The following ZMYND8 variants were observed in gnomAD, a reference collection of about 807,000 sequenced individuals.
ZMYND8 encodes MYND-type zinc finger-containing chromatin reader ZMYND8.
ZMYND8 carries 37 observed loss-of-function variants against 140.8 expected under a neutral mutation model. The ratio of observed to expected loss-of-function variants is 0.26; its 90% confidence interval spans 0.20 to 0.35. The LOEUF (loss-of-function observed/expected upper bound fraction) is 0.35. Ranked by LOEUF, ZMYND8 falls within the 10% of genes least tolerant of loss-of-function variation. The pLI is 1.00. For missense variants in ZMYND8, 1,068 were observed against 1,570.0 expected (o/e 0.68, Z 5.40); for synonymous variants, 592 against 597.1 (o/e 0.99, Z 0.12).
At chr20:47,355,931 G>A (rs1320076246) in intron 1 of ZMYND8, among the ~76,000 whole-genome samples, 1 of 151,050 alleles carries the variant, frequency 6.6e-6, no homozygotes, top group East Asian at 1.9e-4. Flanking sequence ...CTGGCTTGCA[G>A]AACACTCTGT....
chr20:47,336,328 T>C (rs2081383299), intron 2 of ZMYND8, among the ~76,000 whole-genome samples: 1 of 152,210 alleles, frequency 6.6e-6, no homozygotes, highest in South Asian at 2.1e-4. Context: ...TGTTCAAGAT[T>C]TTAATATCCT....
intron 11 of ZMYND8, among the ~76,000 whole-genome samples, chr20:47,272,563 A>G (rs541270547): frequency 6.6e-6 from 1 of 152,262 alleles, no homozygotes; most frequent in Non-Finnish European, 1.5e-5. Flanking sequence ...TATAAAGGGG[A>G]AACTACAAAA....
intron 11 of ZMYND8, among the ~76,000 whole-genome samples, chr20:47,272,947 C>A (rs994768035): frequency 6.6e-6 from 1 of 152,216 alleles, no homozygotes; most frequent in African/African-American, 2.4e-5. Flanking sequence ...AATTTCCCAT[C>A]TCCCTCCACT....
rs573650803 is a variant in ZMYND8, at chr20:47,345,622, T to C, written c.85+2234A>G. On this transcript the variant is annotated intron_variant, in intron 2 of 22. Transcript: ENST00000471951. Reference sequence around the variant, plus strand: ...TCCTGGGTTCAAGCAATTCTCCTGCTTCAGCCTCCCAAGTAACTGGGATTA... The same window carrying C: ...TCCTGGGTTCAAGCAATTCTCCTGCCTCAGCCTCCCAAGTAACTGGGATTA... Among the ~76,000 whole-genome samples the C allele has an allele frequency of 3.3e-5, 5 of 151,902 alleles. No individual in the cohort carries two copies. In the East Asian group the frequency reaches 9.7e-4, roughly 29 times the overall value.
At chr20:47,297,908 G>A (rs191417370) in intron 4 of ZMYND8, among the ~76,000 whole-genome samples, 1 of 152,172 alleles carries the variant, frequency 6.6e-6, no homozygotes, top group South Asian at 2.1e-4. Flanking sequence ...CTACACAGGA[G>A]GCATACACAC....
At chr20:47,227,312 G>C (rs1195926577) in intron 17 of ZMYND8, 31 bp from the exon 18 acceptor site, 5 of 1,609,788 alleles carry the variant, frequency 3.1e-6, no homozygotes, top group Non-Finnish European at 4.3e-6. Context: ...GTCTTCAAAA[G>C]CTGTCTCATG....
chr20:47,293,210 GGCAGGC>G (rs2077414889), intron 5 of ZMYND8, among the ~76,000 whole-genome samples: 1 of 77,308 alleles, frequency 1.3e-5, no homozygotes, highest in Admixed American at 1.2e-4. Context: ...CAGGCAGGCA[GGCAGGC>G]AGGGAGGGAG....
chr20:47,276,532 A>G lies in ZMYND8; in HGVS notation c.1262T>C (p.Phe421Ser). 1 of 1,613,638 alleles carries G rather than the reference A, an allele frequency of 6.2e-7. No individual in the cohort carries two copies. The highest frequency in any genetic ancestry group is 1.1e-5 in the South Asian group (1 of 91,044). ...GATCTTGGGGGATGCCGTCATGTCA[A>G]AGTTGAGCTTGACCTTCTCCTGCTT... ...IDKQEKVKLN[F>S]DMTASPKILM... is the part of the protein sequence containing the mutation. Residue 421 changes from phenylalanine (F) to serine (S), a missense_variant, in exon 11 of 23, where the codon TTT becomes TCT. Around this residue, in one of 10 missense-constraint regions of ZMYND8, gnomAD observed 173 missense variants for 223.3 expected, o/e 0.77. Transcript: ENST00000471951.
chr20:47,351,854 G>A lies in ZMYND8; in HGVS notation c.15-3928C>T, dbSNP rs569752797. 33 of 985,346 alleles carry A rather than the reference G, an allele frequency of 3.3e-5. No homozygotes were observed. In the South Asian group the frequency reaches 1.3e-3, roughly 38 times the overall value. 61.0% of individuals were successfully genotyped at this position (985,346 alleles called of 1,614,324 possible). On this transcript the variant is annotated intron_variant, in intron 1 of 22. Coordinates refer to ENST00000471951, the MANE Select transcript of ZMYND8 (RefSeq NM_001281775.3). ...GTAGCTCTTGTTTAAGCAGCCCTGCGAGTTTCAAAGCCACCTTCCTAAATA... is the reference window on the plus strand; with the variant it reads ...GTAGCTCTTGTTTAAGCAGCCCTGCAAGTTTCAAAGCCACCTTCCTAAATA...
In ZMYND8 at chr20:47,236,759, C is replaced by T. The variant is rs566845656; in HGVS notation, c.2666-243G>A. ...TCAAGAGTGCATGCTAGGATGACCC[C>T]AACCCCCTCTTAAAGCGACTGCCTG... On this transcript the variant is annotated intron_variant, in intron 15 of 22. Transcript: ENST00000471951. 9.8e-4 allele frequency among the ~76,000 whole-genome samples: 149 copies of T among 152,324 alleles called. 4 individuals are homozygous for T. The South Asian group carries it at 0.03, about 31-fold the overall frequency.
At chr20:47,287,122 C>G (rs2076972234) in intron 8 of ZMYND8, 107 bp downstream of exon 8, 1 of 1,015,134 alleles carries the variant, frequency 9.9e-7, no homozygotes, top group Non-Finnish European at 1.5e-6. Context: ...TCAACAAATT[C>G]CAAAATCACC....
chr20:47,282,256 T>C (rs2076649931), intron 9 of ZMYND8, 39 bp from the exon 10 acceptor site: 3 of 1,576,044 alleles, frequency 1.9e-6, no homozygotes, highest in South Asian at 2.2e-5. Context: ...TTGTACATAT[T>C]TGACAGCAAG....
chr20:47,304,321 A>C (rs2078311948), intron 3 of ZMYND8, among the ~76,000 whole-genome samples: 1 of 152,250 alleles, frequency 6.6e-6, no homozygotes, highest in Non-Finnish European at 1.5e-5. Flanking sequence ...TTTCCTATAA[A>C]GGCTTCTATA....
intron 2 of ZMYND8, among the ~76,000 whole-genome samples, chr20:47,342,483 G>C (rs1209591590): frequency 7.9e-5 from 12 of 150,948 alleles, no homozygotes; most frequent in African/African-American, 2.7e-4. Context: ...GGAAGTGGAG[G>C]TTGCAGTGAG....
intron 1 of ZMYND8, chr20:47,351,791 G>A: frequency 1.3e-5 from 13 of 985,412 alleles, no homozygotes; most frequent in African/African-American, 1.7e-5. Context: ...CCTCATTCCT[G>A]TGTTGAAGCT....
chr20:47,231,344 A>G (rs1216018480), intron 16 of ZMYND8, among the ~76,000 whole-genome samples: 1 of 152,182 alleles, frequency 6.6e-6, no homozygotes, highest in Non-Finnish European at 1.5e-5. Context: ...AAGGCGGGAC[A>G]AAGAGCAGCC....
At chr20:47,255,615 CCATATACATATACTCAGTATATATAT>C (rs1441671733) in intron 12 of ZMYND8, among the ~76,000 whole-genome samples, 28 of 123,042 alleles carry the variant, frequency 2.3e-4, no homozygotes, top group African/African-American at 8.3e-4. Context: ...TATATACACA[CCATATACATATACTCAGTATATATAT>C]ACCATATACA....
chr20:47,245,891 G>T, intron 14 of ZMYND8, 117 bp downstream of exon 14: 1 of 1,426,748 alleles, frequency 7.0e-7, no homozygotes, highest in Non-Finnish European at 9.4e-7. Flanking sequence ...CAGTGTGTTA[G>T]AGGGTCACAT....
chr20:47,299,018 T>A, intron 3 of ZMYND8, 71 bp from the exon 4 acceptor site: 1 of 1,416,460 alleles, frequency 7.1e-7, no homozygotes, highest in Non-Finnish European at 9.9e-7. Flanking sequence ...TTTGAACAAG[T>A]ACATCAATAA....
Sources: allele counts gnomAD v4.1 joint callset (sites outside exome capture counted in the v4.1 genomes callset), GRCh38; gene constraint gnomAD v4.1.1; regional missense constraint gnomAD v4.1.1; transcripts MANE v1.5; gene names NCBI Gene and HGNC (gene_info 2026-07-23, HGNC 2026-07-21).